MIR2052HG: variants seen among roughly 807,000 people sequenced by gnomAD.
MIR2052HG encodes the protein MIR2052 host gene.
intron 4 of MIR2052HG, among the ~76,000 whole-genome samples, chr8:74,752,040 G>A (rs1809952056): frequency 6.6e-6 from 1 of 152,050 alleles, no homozygotes; most frequent in South Asian, 2.1e-4. Flanking sequence ...CAGCACTTTG[G>A]GAGGCTGAGA....
In MIR2052HG at chr8:74,648,700, A is replaced by G. The variant is rs1391622185; in HGVS notation, n.216+35760A>G. On this transcript the variant is annotated intron_variant and non_coding_transcript_variant, in intron 2 of 6. Transcript: ENST00000523442. ...CTTAGGGAAAATAGAAAGAACCTAC[A>G]TTGAAATATTGGGGGCTGGTTCCCC... Among the ~76,000 whole-genome samples, 3 of 152,300 alleles carry G rather than the reference A, an allele frequency of 2.0e-5. No homozygotes were observed. The East Asian group carries it at 5.8e-4, about 29-fold the overall frequency.
At chr8:74,717,635 T>C (rs138214199) in intron 4 of MIR2052HG, among the ~76,000 whole-genome samples, 2 of 152,114 alleles carry the variant, frequency 1.3e-5, no homozygotes, top group African/African-American at 4.8e-5. Context: ...CTGGGCAAGA[T>C]GGCAAAACCT....
chr8:74,653,401 A>AT (rs1039735860), intron 2 of MIR2052HG, among the ~76,000 whole-genome samples: 2 of 151,982 alleles, frequency 1.3e-5, no homozygotes, highest in African/African-American at 2.4e-5. Flanking sequence ...GACATACATA[A>AT]TTTTTTTTAA....
At chr8:74,645,895 G>A (rs1199644278) in intron 2 of MIR2052HG, among the ~76,000 whole-genome samples, 2 of 152,098 alleles carry the variant, frequency 1.3e-5, no homozygotes, top group East Asian at 3.9e-4. Context: ...TACAACCTAA[G>A]CCTATGTTTT....
intron 2 of MIR2052HG, among the ~76,000 whole-genome samples, chr8:74,638,407 A>T (rs1808605241): frequency 6.6e-6 from 1 of 152,204 alleles, no homozygotes; most frequent in Admixed American, 6.5e-5. Flanking sequence ...AACTTACATA[A>T]ACAACTTTAC....
intron 2 of MIR2052HG, among the ~76,000 whole-genome samples, chr8:74,643,724 GTTT>G (rs1808663593): frequency 6.6e-6 from 1 of 152,140 alleles, no homozygotes; most frequent in Non-Finnish European, 1.5e-5. Flanking sequence ...AAGTAGCAAA[GTTT>G]CCCTTGTACG....
At chr8:74,637,679 C>T (rs969634858) in intron 2 of MIR2052HG, among the ~76,000 whole-genome samples, 34 of 152,252 alleles carry the variant, frequency 2.2e-4, no homozygotes, top group African/African-American at 7.7e-4. Flanking sequence ...CAAATCTCCC[C>T]TACTCTCCTC....
intron 5 of MIR2052HG, chr8:74,756,596 A>T (rs1314915818): frequency 6.6e-6 from 1 of 152,242 alleles, no homozygotes; most frequent in East Asian, 1.9e-4. Flanking sequence ...TGTAACATTT[A>T]TATGCCCCAG....
chr8:74,689,601 T>G (rs758862057), intron 2 of MIR2052HG, among the ~76,000 whole-genome samples: 2 of 152,226 alleles, frequency 1.3e-5, no homozygotes, highest in Non-Finnish European at 2.9e-5. Context: ...ATTTATTTAC[T>G]TCATATGGTC....
At chr8:74,676,367 T>C (rs1181513683) in intron 2 of MIR2052HG, among the ~76,000 whole-genome samples, 1 of 151,996 alleles carries the variant, frequency 6.6e-6, no homozygotes, top group African/African-American at 2.4e-5. Context: ...AGTAGTTTCA[T>C]TGCAGTTAAA....
chr8:74,643,607 T>C (rs1432156092), intron 2 of MIR2052HG, among the ~76,000 whole-genome samples: 2 of 152,214 alleles, frequency 1.3e-5, no homozygotes, highest in Admixed American at 1.3e-4. Flanking sequence ...TAAGCATCAC[T>C]GTTTATTTAC....
intron 2 of MIR2052HG, among the ~76,000 whole-genome samples, chr8:74,630,932 A>T (rs964976349): frequency 2.6e-5 from 4 of 152,208 alleles, no homozygotes; most frequent in African/African-American, 9.6e-5. Flanking sequence ...TAATTTGCCC[A>T]GCTTCATATA....
Position 74,726,536 on chromosome 8 carries a change from T to C in MIR2052HG, n.371+22854T>C, listed in dbSNP as rs1820400. Among the ~76,000 whole-genome samples the C allele has an allele frequency of 6.3e-3, 955 of 152,310 alleles. 13 individuals carry two copies. The highest frequency in any genetic ancestry group is 0.022 in the African/African-American group (907 of 41,574). On this transcript the variant is annotated intron_variant and non_coding_transcript_variant, in intron 4 of 6. Coordinates refer to ENST00000523442, the Ensembl canonical transcript of MIR2052HG. ...GTTTAAGATTTCCATCTAATAGTTT[T>C]AATTTAAACATGTCTGGAGTGGGAA...
chr8:74,698,049 T>A (rs1344148502), intron 2 of MIR2052HG, among the ~76,000 whole-genome samples: 1 of 151,952 alleles, frequency 6.6e-6, no homozygotes, highest in African/African-American at 2.4e-5. Flanking sequence ...ATGTAGCCAA[T>A]GCAAAACTAA....
intron 4 of MIR2052HG, among the ~76,000 whole-genome samples, chr8:74,739,549 C>T (rs1289293217): frequency 6.6e-6 from 1 of 151,972 alleles, no homozygotes; most frequent in Non-Finnish European, 1.5e-5. Context: ...TTCCCCAGAA[C>T]TTTCATAGGA....
chr8:74,742,008 CTG>C (rs1483574992), intron 4 of MIR2052HG, among the ~76,000 whole-genome samples: 2 of 152,168 alleles, frequency 1.3e-5, no homozygotes, highest in Non-Finnish European at 2.9e-5. Context: ...TATGAGAGTG[CTG>C]TGAGTATCCA....
At chr8:74,626,139 C>T (rs781422670) in intron 2 of MIR2052HG, among the ~76,000 whole-genome samples, 1 of 152,172 alleles carries the variant, frequency 6.6e-6, no homozygotes. Flanking sequence ...CCCGGGAGAA[C>T]AGCACCTCCT....
At chr8:74,635,039 A>T (rs1302278896) in intron 2 of MIR2052HG, among the ~76,000 whole-genome samples, 1 of 152,160 alleles carries the variant, frequency 6.6e-6, no homozygotes, top group African/African-American at 2.4e-5. Context: ...AGTGAAAATG[A>T]CTTATTAGGA....
intron 2 of MIR2052HG, among the ~76,000 whole-genome samples, chr8:74,660,995 A>G (rs546988023): frequency 6.6e-6 from 1 of 152,196 alleles, no homozygotes; most frequent in East Asian, 1.9e-4. Context: ...AATAATATAT[A>G]ATTCTGATGT....
Sources: gnomAD v4.1 joint callset for allele counts (sites outside exome capture counted in the v4.1 genomes callset) on GRCh38, gnomAD v4.1.1 for gene constraint, MANE v1.5 for transcripts, NCBI Gene and HGNC (gene_info 2026-07-23, HGNC 2026-07-21) for gene names.